Variants in MYO1D observed in about 807,000 individuals in gnomAD.
The protein encoded by MYO1D is myosin ID.
A neutral mutation model predicts 122.0 loss-of-function variants in MYO1D; 83 were observed. That is an observed-to-expected ratio of 0.68 (90% CI 0.57 to 0.82). MYO1D has a LOEUF of 0.82. MYO1D is among the 40% of genes least tolerant of loss of function. The pLI, the probability that MYO1D is intolerant of heterozygous loss-of-function variation, is 0.00. For missense variants in MYO1D, 1,157 were observed against 1,269.5 expected, an observed-to-expected ratio of 0.91 and a Z score of 1.35; for synonymous variants, 464 against 446.9, an observed-to-expected ratio of 1.04 and a Z score of -0.48.
At chr17:32,682,759 G>A (rs563013962) in intron 16 of MYO1D, among the ~76,000 whole-genome samples, 3,379 of 118,410 alleles carry the variant, frequency 0.029, 208 homozygotes, top group African/African-American at 0.11. Flanking sequence ...GTATCTTTGC[G>A]GCGTTCTCTG....
chr17:32,822,639 G>C (rs76719365), intron 1 of MYO1D, among the ~76,000 whole-genome samples: 1 of 149,080 alleles, frequency 6.7e-6, no homozygotes, highest in East Asian at 2.0e-4. Context: ...GTCCCGGGGG[G>C]TGGCCGCGCG....
At chr17:32,818,576 G>C (rs1041034519) in intron 1 of MYO1D, among the ~76,000 whole-genome samples, 3 of 152,236 alleles carry the variant, frequency 2.0e-5, no homozygotes, top group Non-Finnish European at 2.9e-5. Flanking sequence ...GGGAAATAAA[G>C]TGAAAGCCTC....
intron 20 of MYO1D, among the ~76,000 whole-genome samples, chr17:32,609,726 G>T (rs1692005532): frequency 6.6e-6 from 1 of 152,082 alleles, no homozygotes; most frequent in South Asian, 2.1e-4. Context: ...TTCATAGGAG[G>T]TGAGTTCTTG....
chr17:32,645,813 T>C lies in MYO1D; in HGVS notation c.2596-6978A>G, dbSNP rs9902492. On this transcript the variant is annotated intron_variant, in intron 19 of 21. Coordinates refer to ENST00000318217, the MANE Select transcript of MYO1D (RefSeq NM_015194.3). ...CTAGTTAGCCATTCATCTAATCTTT[T>C]TTCAAGGTTTTTAACTTCTTTGTGA... Among the ~76,000 whole-genome samples the C allele has an allele frequency of 5.5e-3, 834 of 152,292 alleles. 8 individuals are homozygous for C. The highest frequency in any genetic ancestry group is 0.019 in the African/African-American group (769 of 41,548).
rs774157365 is a variant in MYO1D, at chr17:32,780,667, C to G, written c.213G>C (p.Leu71=). ...DTIEQYKGRE[L]YERPPHLFAI... is the part of the protein sequence containing the mutation. The stretch of plus-strand genomic sequence containing the variant: ...CAAAAAGGTGAGGCGGTCTCTCATA[C>G]AGCTCACGGCCTTTATACTGCTCAA... The change falls in exon 2 of 22, where the codon CTG becomes CTC. Residue 71 remains leucine, a synonymous_variant. Coordinates refer to ENST00000318217, the MANE Select transcript of MYO1D (RefSeq NM_015194.3). 4 of 1,614,170 alleles carry G rather than the reference C, an allele frequency of 2.5e-6. No individual in the cohort carries two copies. The African/African-American group carries it at 4.0e-5, about 16-fold the overall frequency.
intron 16 of MYO1D, among the ~76,000 whole-genome samples, chr17:32,677,578 T>C (rs1003011666): frequency 1.2e-5 from 1 of 84,036 alleles, no homozygotes; most frequent in African/African-American, 4.9e-5. Flanking sequence ...TATAGATAGA[T>C]AAATATATAT....
chr17:32,590,602 G>A lies in MYO1D; in HGVS notation c.2864+14485C>T, dbSNP rs62068380. Among the ~76,000 whole-genome samples, 504 of 152,294 alleles carry A rather than the reference G, an allele frequency of 3.3e-3. 3 individuals are homozygous for A. Among genetic ancestry groups the A allele is most frequent in the Non-Finnish European group, 5.8e-3 (394 of 68,022 alleles). ...GGTGCTTAGTGAATGCATGCTGAAT[G>A]ATGGTATAAAAATAGAACAGTGTTT... On this transcript the variant is annotated intron_variant, in intron 21 of 21. Transcript: ENST00000318217.
At chr17:32,822,076 T>C (rs1259703421) in intron 1 of MYO1D, among the ~76,000 whole-genome samples, 1 of 152,146 alleles carries the variant, frequency 6.6e-6, no homozygotes, top group Non-Finnish European at 1.5e-5. Flanking sequence ...CATGCACACA[T>C]ATGTTTATTG....
rs78128623 is a variant in MYO1D at position 32,532,306 on chromosome 17, C to G, written c.2865-37391G>C. ...ACAAGTTTATATCTGCCGCCTCAAG[C>G]AGGCTTACTCAATGACACCAATTCA... is the stretch of plus-strand genomic sequence containing the variant. On this transcript the variant is annotated intron_variant, in intron 21 of 21. Transcript: ENST00000318217. 2.4e-4 allele frequency among the ~76,000 whole-genome samples: 37 copies of G among 152,368 alleles called. 1 individual carries two copies. In the East Asian group the frequency reaches 7.1e-3, roughly 29 times the overall value.
At chr17:32,626,190 A>C (rs2087925962) in intron 20 of MYO1D, among the ~76,000 whole-genome samples, 1 of 152,224 alleles carries the variant, frequency 6.6e-6, no homozygotes, top group Non-Finnish European at 1.5e-5. Flanking sequence ...GTGCCTGCCA[A>C]ATGCACAGCA....
At position 32,755,478 on chromosome 17, in the gene MYO1D, A is replaced by C; in HGVS notation, c.1467+14T>G. 1 of 1,611,970 alleles carries C rather than the reference A, an allele frequency of 6.2e-7. No individual in the cohort carries two copies. ...TCACAGATAAAAGGAAGAAGGTGTC[A>C]TTAAACACATTACCTTTCGGCTGGA... On this transcript the variant is annotated intron_variant, in intron 11 of 21. Coordinates refer to ENST00000318217, the MANE Select transcript of MYO1D (RefSeq NM_015194.3).
intron 16 of MYO1D, among the ~76,000 whole-genome samples, chr17:32,694,592 T>C (rs1268615112): frequency 2.0e-5 from 3 of 148,860 alleles, no homozygotes. Context: ...TCCCAGCTAC[T>C]CGGGAGGCTG....
Position 32,772,873 on chromosome 17 carries a change from C to T in MYO1D, c.565-31G>A, listed in dbSNP as rs3826460. The T allele has an allele frequency of 1.8e-3, 2,788 of 1,586,452 alleles. 72 individuals are homozygous for T. The East Asian group carries it at 0.044, about 25-fold the overall frequency. On this transcript the variant is annotated intron_variant, in intron 4 of 21. Transcript: ENST00000318217. ...AAAAAACACATTAAAATGGTTAACC[C>T]GAAAATGTGCCCCTAAAATAAAACA...
At chr17:32,650,543 A>G (rs542932493) in intron 19 of MYO1D, among the ~76,000 whole-genome samples, 2 of 152,304 alleles carry the variant, frequency 1.3e-5, no homozygotes, top group East Asian at 1.9e-4. Context: ...ATTAGGCCAC[A>G]GGAAGTTATC....
Position 32,745,204 on chromosome 17 carries a change from A to G in MYO1D, c.1613+7T>C, listed in dbSNP as rs1482635961. ...TCTAGAGTTAATTAATAAAATTTCA[A>G]TCTTACCTGTTATACATAAGGCGCT... On this transcript the variant is annotated splice_region_variant and intron_variant, in intron 13 of 21. Transcript: ENST00000318217. The G allele has an allele frequency of 1.4e-6, 2 of 1,422,774 alleles. No homozygotes were observed. Among genetic ancestry groups the G allele is most frequent in the Non-Finnish European group, 9.8e-7 (1 of 1,017,278 alleles). The allele number at this position is 1,422,774 out of a possible 1,614,324, so 88.1% of individuals were successfully genotyped here. A position where few individuals can be genotyped will look rare whatever the true frequency, so the allele number is the denominator to read the frequency against.
intron 16 of MYO1D, among the ~76,000 whole-genome samples, chr17:32,682,767 C>T (rs1224294458): frequency 1.7e-5 from 2 of 119,994 alleles, no homozygotes; most frequent in Non-Finnish European, 1.7e-5. Context: ...GCGGCGTTCT[C>T]TGTATTTCCT....
intron 20 of MYO1D, among the ~76,000 whole-genome samples, chr17:32,629,756 A>G (rs1384272264): frequency 2.0e-5 from 3 of 152,080 alleles, no homozygotes; most frequent in Non-Finnish European, 4.4e-5. Flanking sequence ...AAAGGTATCA[A>G]TCTCACTGAA....
chr17:32,507,668 C>A, intron 21 of MYO1D, among the ~76,000 whole-genome samples: 1 of 152,138 alleles, frequency 6.6e-6, no homozygotes, highest in Non-Finnish European at 1.5e-5. Flanking sequence ...CCCTCCAATT[C>A]CTTATATGGA....
At chr17:32,686,964 AACAC>A (rs57125657) in intron 16 of MYO1D, among the ~76,000 whole-genome samples, 2,292 of 145,494 alleles carry the variant, frequency 0.016, 19 homozygotes, top group African/African-American at 0.031. Flanking sequence ...CCTGTTTCAA[AACAC>A]ACACACACAC....
Sources: allele counts gnomAD v4.1 joint callset (sites outside exome capture counted in the v4.1 genomes callset), GRCh38; gene constraint gnomAD v4.1.1; transcripts MANE v1.5; gene names NCBI Gene and HGNC (gene_info 2026-07-23, HGNC 2026-07-21).